Variants in AGPAT2 observed in about 807,000 individuals in gnomAD.
AGPAT2 encodes the protein 1-acylglycerol-3-phosphate O-acyltransferase 2.
In AGPAT2, 18 loss-of-function variants were observed where a neutral mutation model predicts 26.1. That is an observed-to-expected ratio of 0.69 (90% CI 0.48 to 1.02). AGPAT2 has a LOEUF of 1.02. Among genes scored for constraint, AGPAT2 ranks in the 50% least tolerant of loss-of-function variants. The pLI is 0.00. For synonymous variants in AGPAT2, 200 were observed against 174.2 expected (o/e 1.15, Z -1.16); for missense variants, 415 against 394.9 (o/e 1.05, Z -0.43).
At position 136,678,393 on chromosome 9, in the gene AGPAT2, G is replaced by A. The variant is rs550219048; in HGVS notation, c.183-837C>T. On this transcript the variant is annotated intron_variant, in intron 1 of 5. Coordinates refer to ENST00000371696, the MANE Select transcript of AGPAT2 (RefSeq NM_006412.4). Reference sequence around the variant, plus strand: ...CCGAAGACTCTGACCAGCTCCGAGCGTCCCAACCTCTGCCCTGCTGTGCTG... The same window carrying A: ...CCGAAGACTCTGACCAGCTCCGAGCATCCCAACCTCTGCCCTGCTGTGCTG... 9.8e-5 allele frequency among the ~76,000 whole-genome samples: 15 copies of A among 152,334 alleles called. No individual in the cohort carries two copies. The South Asian group carries it at 1.0e-3, about 11-fold the overall frequency.
intron 4 of AGPAT2, among the ~76,000 whole-genome samples, chr9:136,676,288 G>A (rs769799364): frequency 5.9e-5 from 9 of 152,152 alleles, no homozygotes; most frequent in Non-Finnish European, 8.8e-5. Context: ...AGAGGCGAGC[G>A]GCCCGGCTCC....
At chr9:136,686,621 G>C (rs2131022849) in intron 1 of AGPAT2, among the ~76,000 whole-genome samples, 1 of 152,308 alleles carries the variant, frequency 6.6e-6, no homozygotes, top group South Asian at 2.1e-4. Flanking sequence ...GGTCCCCTCC[G>C]GGTCCCCCAC....
At chr9:136,682,323 C>A (rs181001355) in intron 1 of AGPAT2, among the ~76,000 whole-genome samples, 1 of 152,232 alleles carries the variant, frequency 6.6e-6, no homozygotes, top group Admixed American at 6.5e-5. Context: ...GCTTCCCCCA[C>A]CAGCTTGCCC....
chr9:136,683,882 G>A (rs1251749333), intron 1 of AGPAT2, among the ~76,000 whole-genome samples: 2 of 152,220 alleles, frequency 1.3e-5, no homozygotes, highest in Admixed American at 1.3e-4. Flanking sequence ...CAGAGGACCC[G>A]GGACCATGCA....
At chr9:136,679,856 G>T (rs561980606) in intron 1 of AGPAT2, among the ~76,000 whole-genome samples, 1 of 152,328 alleles carries the variant, frequency 6.6e-6, no homozygotes, top group East Asian at 1.9e-4. Context: ...GGGCAGGTTG[G>T]CAGGCCCGGC....
rs1285168740 is a variant in AGPAT2, at chr9:136,677,409, G to C, written c.316+14C>G. ...CACTCAAACCCCAGAAGCCACCCCC[G>C]AGGCCCGGCCTACCCATCATGTCCA... On this transcript the variant is annotated intron_variant, in intron 2 of 5. Transcript: ENST00000371696. 1 of 1,612,978 alleles carries C rather than the reference G, an allele frequency of 6.2e-7. No individual in the cohort carries two copies. The highest frequency in any genetic ancestry group is 8.5e-7 in the Non-Finnish European group (1 of 1,179,920).
intron 4 of AGPAT2, among the ~76,000 whole-genome samples, chr9:136,675,795 A>C (rs370730126): frequency 3.3e-5 from 5 of 152,110 alleles, no homozygotes; most frequent in African/African-American, 1.2e-4. Context: ...GAGCCCAAGG[A>C]TGCTCACCCA....
chr9:136,674,623 G>A (rs1488941910), intron 5 of AGPAT2, 112 bp downstream of exon 5: 2 of 744,122 alleles, frequency 2.7e-6, no homozygotes, highest in East Asian at 3.2e-5. Context: ...CATGGTCACC[G>A]TGTGGCCACG....
At chr9:136,674,901 C>T (rs953109155) in intron 4 of AGPAT2, 94 bp from the exon 5 acceptor site, 6 of 871,414 alleles carry the variant, frequency 6.9e-6, no homozygotes, top group Non-Finnish European at 9.6e-6. Flanking sequence ...TCCTGCGGCC[C>T]ACCCACCCCT....
chr9:136,680,804 C>A (rs908923121), intron 1 of AGPAT2, among the ~76,000 whole-genome samples: 3 of 151,426 alleles, frequency 2.0e-5, no homozygotes, highest in African/African-American at 4.9e-5. Flanking sequence ...GTAGTTGGGA[C>A]TACTGGTGTG....
At chr9:136,683,794 G>C (rs1363086043) in intron 1 of AGPAT2, among the ~76,000 whole-genome samples, 1 of 152,180 alleles carries the variant, frequency 6.6e-6, no homozygotes, top group African/African-American at 2.4e-5. Flanking sequence ...CCAAGGTCAC[G>C]GTCTCCCTTG....
At chr9:136,675,385 T>C (rs866509643) in intron 4 of AGPAT2, among the ~76,000 whole-genome samples, 14 of 83,230 alleles carry the variant, frequency 1.7e-4, no homozygotes, top group East Asian at 3.8e-4. Flanking sequence ...GGCTGGGGAC[T>C]GGGAGCAGGG....
intron 1 of AGPAT2, among the ~76,000 whole-genome samples, chr9:136,682,971 G>A (rs1846180193): frequency 6.6e-6 from 1 of 151,598 alleles, no homozygotes; most frequent in South Asian, 2.1e-4. Context: ...GGAAGGGTGT[G>A]CAGGCTTACA....
intron 1 of AGPAT2, among the ~76,000 whole-genome samples, chr9:136,683,923 C>T (rs1018636036): frequency 3.3e-5 from 5 of 152,204 alleles, no homozygotes; most frequent in African/African-American, 9.7e-5. Context: ...AAACCTTGCC[C>T]GACATCCCAA....
intron 1 of AGPAT2, among the ~76,000 whole-genome samples, chr9:136,682,687 C>T (rs777166523): frequency 2.6e-5 from 4 of 152,324 alleles, no homozygotes; most frequent in Admixed American, 6.5e-5. Context: ...CTGGTGGCAT[C>T]GGAGCAGTGG....
Position 136,676,978 on chromosome 9 carries a change from G to A in AGPAT2, c.475C>T (p.Arg159Cys), listed in dbSNP as rs142993240. The A allele has an allele frequency of 5.2e-3, 8,109 of 1,570,472 alleles. 36 individuals are homozygous for A. The highest frequency in any genetic ancestry group is 0.02 in the Middle Eastern group (119 of 5,846). The change falls in exon 3 of 6, where the codon CGC (arginine) becomes TGC (cysteine). Residue 159 changes from arginine (R) to cysteine (C), a missense_variant. Physicochemically the swap from Arg to Cys is radical, Grantham distance 180. Transcript: ENST00000371696. ...ACACTCACGTTCTCCCTGACCATGC[G>A]CTCGCCCAGGTCGGCCATCACTGTC... ...AMTVMADLGE[R>C]MVRENLKVWI...
chr9:136,675,822 G>A (rs141304948), intron 4 of AGPAT2, among the ~76,000 whole-genome samples: 88 of 152,248 alleles, frequency 5.8e-4, no homozygotes, highest in African/African-American at 1.8e-3. Flanking sequence ...CGCCTCCGGG[G>A]CTCCCCAGGC....
intron 1 of AGPAT2, among the ~76,000 whole-genome samples, chr9:136,683,941 G>C (rs548363432): frequency 1.3e-5 from 2 of 152,356 alleles, no homozygotes; most frequent in Admixed American, 1.3e-4. Context: ...CAAGTCCCCT[G>C]TGCGTTCTCC....
intron 1 of AGPAT2, among the ~76,000 whole-genome samples, chr9:136,678,301 T>C (rs1346169660): frequency 1.3e-5 from 2 of 152,082 alleles, no homozygotes; most frequent in Non-Finnish European, 2.9e-5. Flanking sequence ...TTGGAGCACC[T>C]GCAAATGTGA....
Sources: allele counts gnomAD v4.1 joint callset (sites outside exome capture counted in the v4.1 genomes callset), GRCh38; gene constraint gnomAD v4.1.1; transcripts MANE v1.5; gene names NCBI Gene and HGNC (gene_info 2026-07-23, HGNC 2026-07-21).